DSTN: variants seen among roughly 807,000 people sequenced by gnomAD.
DSTN encodes the protein destrin, actin depolymerizing factor, also known as destrin.
In DSTN, 10 loss-of-function variants were observed where a neutral mutation model predicts 16.8. That is an observed-to-expected ratio of 0.60 (90% CI 0.37 to 1.01). The LOEUF (loss-of-function observed/expected upper bound fraction) is 1.01. Among genes scored for constraint, DSTN ranks in the 50% least tolerant of loss-of-function variants. The pLI is 0.01. For missense variants in DSTN, 141 were observed against 196.7 expected, an observed-to-expected ratio of 0.72 and a Z score of 1.69; for synonymous variants, 57 against 58.9, an observed-to-expected ratio of 0.97 and a Z score of 0.14.
chr20:17,593,335 C>T (rs2035490798), intron 1 of DSTN, among the ~76,000 whole-genome samples: 1 of 152,112 alleles, frequency 6.6e-6, no homozygotes, highest in Admixed American at 6.5e-5. Context: ...TTATCTTCTC[C>T]ATAAGTCAAA....
chr20:17,605,277 G>A (rs1272883094), intron 3 of DSTN: 1 of 416,148 alleles, frequency 2.4e-6, no homozygotes, highest in African/African-American at 2.1e-5. Flanking sequence ...GGCGAAGCCT[G>A]TCTAACTGCT....
intron 1 of DSTN, among the ~76,000 whole-genome samples, chr20:17,574,527 C>A (rs953516211): frequency 2.6e-5 from 4 of 151,958 alleles, no homozygotes; most frequent in Non-Finnish European, 1.5e-5. Context: ...CAATGCACTT[C>A]TGCTAAAATT....
chr20:17,608,260 A>G lies in DSTN; in HGVS notation c.*1114A>G, dbSNP rs2122217109. On this transcript the variant is annotated 3_prime_UTR_variant, in exon 4 of 4. Coordinates refer to ENST00000246069, the MANE Select transcript of DSTN (RefSeq NM_006870.4). ...TTGACTTACCTCTCGTGTAATTTTC[A>G]TGTGTGAATTGGGAATACAGGATTT... 1 of 152,198 alleles carries G rather than the reference A, an allele frequency of 6.6e-6. No individual in the cohort carries two copies. Among genetic ancestry groups the G allele is most frequent in the Non-Finnish European group, 1.5e-5 (1 of 68,034 alleles). The allele number at this position is 152,198 out of a possible 1,614,324, so 9.4% of individuals were successfully genotyped here. A position where few individuals can be genotyped will look rare whatever the true frequency, so the allele number is the denominator to read the frequency against.
intron 1 of DSTN, among the ~76,000 whole-genome samples, chr20:17,597,881 T>C (rs2035544796): frequency 6.6e-6 from 1 of 152,204 alleles, no homozygotes; most frequent in Non-Finnish European, 1.5e-5. Context: ...TGGAAACCAC[T>C]AATCTACCTA....
intron 1 of DSTN, among the ~76,000 whole-genome samples, chr20:17,589,688 T>C (rs1285264165): frequency 3.9e-5 from 6 of 152,254 alleles, no homozygotes; most frequent in African/African-American, 1.4e-4. Flanking sequence ...TTGGCCCTTG[T>C]GCAAGGCATG....
intron 1 of DSTN, among the ~76,000 whole-genome samples, chr20:17,581,825 T>TA (rs2035348342): frequency 1.3e-5 from 2 of 152,168 alleles, no homozygotes; most frequent in East Asian, 3.8e-4. Context: ...ATCTTTAAAA[T>TA]ACCATAATTT....
intron 1 of DSTN, among the ~76,000 whole-genome samples, chr20:17,581,294 A>G (rs2035341162): frequency 6.6e-6 from 1 of 152,174 alleles, no homozygotes; most frequent in Non-Finnish European, 1.5e-5. Context: ...TACCCTGGGC[A>G]ACATAGAGAG....
At chr20:17,593,544 C>CATGATCTT (rs2035493974) in intron 1 of DSTN, among the ~76,000 whole-genome samples, 1 of 152,128 alleles carries the variant, frequency 6.6e-6, no homozygotes, top group Non-Finnish European at 1.5e-5. Context: ...CTTATGGGAG[C>CATGATCTT]ATGTGATACT....
chr20:17,576,047 A>G (rs1409650731), intron 1 of DSTN, among the ~76,000 whole-genome samples: 1 of 152,178 alleles, frequency 6.6e-6, no homozygotes, highest in Non-Finnish European at 1.5e-5. Flanking sequence ...AAATTTTACA[A>G]TTGGGAGAGG....
intron 1 of DSTN, chr20:17,592,049 G>C: frequency 1.0e-6 from 1 of 985,416 alleles, no homozygotes; most frequent in Admixed American, 6.1e-5. Context: ...GGGCAGTGTT[G>C]GGCCAGGCTT....
chr20:17,589,430 G>C (rs1305150180), intron 1 of DSTN, among the ~76,000 whole-genome samples: 2 of 152,116 alleles, frequency 1.3e-5, no homozygotes, highest in Admixed American at 6.6e-5. Context: ...AGGCTGCTCT[G>C]CTGACCTCAG....
intron 1 of DSTN, among the ~76,000 whole-genome samples, chr20:17,570,565 C>T (rs1035985487): frequency 6.6e-6 from 1 of 152,124 alleles, no homozygotes; most frequent in African/African-American, 2.4e-5. Flanking sequence ...GGGGTCTGCA[C>T]ACCGAGGCCG....
intron 1 of DSTN, among the ~76,000 whole-genome samples, chr20:17,586,962 C>T (rs1376874388): frequency 6.6e-6 from 1 of 152,118 alleles, no homozygotes; most frequent in Non-Finnish European, 1.5e-5. Flanking sequence ...TTAAAAAGGT[C>T]TTCAAAGGTT....
At position 17,608,280 on chromosome 20, in the gene DSTN, G is replaced by A. The variant is rs2035663312; in HGVS notation, c.*1134G>A. Reference sequence around the variant, plus strand: ...TTTTCATGTGTGAATTGGGAATACAGGATTTTGCCTTCCATATGGGGTAAG... The same window carrying A: ...TTTTCATGTGTGAATTGGGAATACAAGATTTTGCCTTCCATATGGGGTAAG... On this transcript the variant is annotated 3_prime_UTR_variant, in exon 4 of 4. Coordinates refer to ENST00000246069, the MANE Select transcript of DSTN (RefSeq NM_006870.4). 1 of 152,212 alleles carries A rather than the reference G, an allele frequency of 6.6e-6. No individual in the cohort carries two copies. Among genetic ancestry groups the A allele is most frequent in the Non-Finnish European group, 1.5e-5 (1 of 68,052 alleles). The allele number at this position is 152,212 out of a possible 1,614,324, so 9.4% of individuals were successfully genotyped here.
Position 17,604,612 on chromosome 20 carries a change from A to G in DSTN, c.369A>G (p.Ala123=), listed in dbSNP as rs1408651972. 7 of 1,613,510 alleles carry G rather than the reference A, an allele frequency of 4.3e-6. No individual in the cohort carries two copies. The South Asian group carries it at 7.7e-5, about 18-fold the overall frequency. Residue 123 remains alanine, a synonymous_variant, in exon 3 of 4, where the codon GCA becomes GCG. Transcript: ENST00000246069. ...SKMIYASSKD[A]IKKKFQGIKH... ...TGATCTATGCAAGCTCCAAGGATGCAATTAAAAAGAAATTTCAAGGTATGT... is the reference window on the plus strand; with the variant it reads ...TGATCTATGCAAGCTCCAAGGATGCGATTAAAAAGAAATTTCAAGGTATGT...
At chr20:17,574,865 C>CTTTTG (rs2035257433) in intron 1 of DSTN, among the ~76,000 whole-genome samples, 3 of 64,266 alleles carry the variant, frequency 4.7e-5, no homozygotes, top group Admixed American at 1.8e-4. Context: ...CTTTTCTTTT[C>CTTTTG]TTTTGTTTTT....
At chr20:17,573,724 T>A (rs1284529090) in intron 1 of DSTN, among the ~76,000 whole-genome samples, 2 of 152,178 alleles carry the variant, frequency 1.3e-5, no homozygotes, top group African/African-American at 2.4e-5. Flanking sequence ...TGAAATGGTT[T>A]CTCATTATTT....
At chr20:17,602,708 T>C (rs976314676) in intron 2 of DSTN, among the ~76,000 whole-genome samples, 1 of 152,188 alleles carries the variant, frequency 6.6e-6, no homozygotes, top group Non-Finnish European at 1.5e-5. Flanking sequence ...TGCTTTTTTA[T>C]GTTTCTGACC....
intron 1 of DSTN, among the ~76,000 whole-genome samples, chr20:17,583,743 T>TTTTTTTC (rs2035374302): frequency 8.4e-6 from 1 of 118,840 alleles, no homozygotes; most frequent in Non-Finnish European, 1.7e-5. Context: ...TTCTTTTTTT[T>TTTTTTTC]TTTTTTTTTT....
Sources: gnomAD v4.1 joint callset for allele counts (sites outside exome capture counted in the v4.1 genomes callset) on GRCh38, gnomAD v4.1.1 for gene constraint, MANE v1.5 for transcripts, NCBI Gene and HGNC (gene_info 2026-07-23, HGNC 2026-07-21) for gene names.